Variants in TARBP1 observed in about 807,000 individuals in gnomAD.
TARBP1 encodes the protein tRNA guanosine 2 -O-methyltransferase TARBP1.
TARBP1 carries 144 observed loss-of-function variants against 178.6 expected under a neutral mutation model. The observed-to-expected ratio is 0.81, with a 90% CI of 0.70 to 0.93. The LOEUF is 0.93. Among genes scored for constraint, TARBP1 ranks in the 40% least tolerant of loss-of-function variants. The pLI, the probability that TARBP1 is intolerant of heterozygous loss-of-function variation, is 0.00. For synonymous variants in TARBP1, 787 were observed against 781.0 expected (o/e 1.01, Z -0.13); for missense variants, 2,067 against 2,011.7 (o/e 1.03, Z -0.53).
At chr1:234,446,733 T>C in intron 12 of TARBP1, 70 bp downstream of exon 12, 1 of 1,269,586 alleles carries the variant, frequency 7.9e-7, no homozygotes, top group Non-Finnish European at 1.0e-6. Context: ...AAGACGGAAG[T>C]TTCCTCTCTA....
chr1:234,453,058 G>C (rs115697935), intron 9 of TARBP1, among the ~76,000 whole-genome samples: 9 of 152,312 alleles, frequency 5.9e-5, no homozygotes, highest in African/African-American at 1.7e-4. Context: ...TGGGGGAAAG[G>C]AGGGATGAAC....
At chr1:234,410,012 A>C (rs1661637372) in intron 23 of TARBP1, among the ~76,000 whole-genome samples, 1 of 152,252 alleles carries the variant, frequency 6.6e-6, no homozygotes, top group African/African-American at 2.4e-5. Flanking sequence ...GATGACAGTC[A>C]TTTTATATCA....
At chr1:234,465,557 A>T (rs1299100183) in intron 5 of TARBP1, 99 bp downstream of exon 5, 2 of 1,080,794 alleles carry the variant, frequency 1.9e-6, no homozygotes, top group Non-Finnish European at 2.6e-6. Context: ...CTGTCTATTC[A>T]GCAACATACT....
rs143093176 is a variant in TARBP1, at chr1:234,407,459, C to T, written c.3793-1360G>A. The T allele has an allele frequency of 8.2e-3, 1,251 of 151,972 alleles. 4 individuals are homozygous for T. The highest frequency in any genetic ancestry group is 0.02 in the Middle Eastern group (6 of 296). 9.4% of individuals were successfully genotyped at this position (151,972 alleles called of 1,614,324 possible). ...TTCAAGTGATTCTCCTGCCTCACCT[C>T]CTGAGTAGCTGGGATTATAGGCATG... On this transcript the variant is annotated intron_variant, in intron 23 of 29. Coordinates refer to ENST00000040877, the MANE Select transcript of TARBP1 (RefSeq NM_005646.4).
intron 12 of TARBP1, among the ~76,000 whole-genome samples, chr1:234,446,521 T>A (rs1022086399): frequency 6.6e-6 from 1 of 151,944 alleles, no homozygotes; most frequent in African/African-American, 2.4e-5. Flanking sequence ...AATTACATTA[T>A]AGTAACCAAC....
rs1390234686 is a variant in TARBP1, at chr1:234,478,899, G to C, written c.205C>G (p.Leu69Val). Reference protein sequence around the residue: ...EAAREVAAGYLVPLLRSLRGR... With the variant: ...EAAREVAAGYVVPLLRSLRGR... ...CGCAGGCTCCGCAGCAGTGGCACGA[G>C]GTACCCTGCAGCCACCTCGCGCGCC... is the stretch of plus-strand genomic sequence containing the variant. Residue 69 changes from leucine to valine, a missense_variant, in exon 1 of 30, where the codon CTC (leucine) becomes GTC (valine). Coordinates refer to ENST00000040877, the MANE Select transcript of TARBP1 (RefSeq NM_005646.4). 7.1e-7 allele frequency: 1 copy of C among 1,400,000 alleles called. No homozygotes were observed. Among genetic ancestry groups the C allele is most frequent in the South Asian group, 1.5e-5 (1 of 66,022 alleles). The allele number at this position is 1,400,000 out of a possible 1,614,324, so 86.7% of individuals were successfully genotyped here. A position where few individuals can be genotyped will look rare whatever the true frequency, so the allele number is the denominator to read the frequency against.
At chr1:234,429,728 C>A in intron 15 of TARBP1, 51 bp from the exon 16 acceptor site, 1 of 1,520,952 alleles carries the variant, frequency 6.6e-7, no homozygotes, top group East Asian at 2.3e-5. Flanking sequence ...TTTGCCTCCA[C>A]GTCTTTTGCA....
At chr1:234,453,218 T>C (rs890064889) in intron 9 of TARBP1, among the ~76,000 whole-genome samples, 20 of 152,134 alleles carry the variant, frequency 1.3e-4, no homozygotes, top group African/African-American at 4.6e-4. Flanking sequence ...GGTCATCAAT[T>C]GTAACAAATG....
chr1:234,455,411 G>A (rs1000590233), intron 9 of TARBP1, among the ~76,000 whole-genome samples: 1 of 152,152 alleles, frequency 6.6e-6, no homozygotes, highest in Non-Finnish European at 1.5e-5. Context: ...CAACAGTTCG[G>A]CAATGGGGGA....
chr1:234,407,169 A>G (rs1661332604), intron 23 of TARBP1: 1 of 152,204 alleles, frequency 6.6e-6, no homozygotes, highest in Admixed American at 6.5e-5. Flanking sequence ...TTCCTGTCTT[A>G]TAACTCCCAT....
intron 9 of TARBP1, among the ~76,000 whole-genome samples, chr1:234,454,855 A>T (rs933356292): frequency 1.3e-5 from 2 of 152,206 alleles, no homozygotes; most frequent in Non-Finnish European, 2.9e-5. Context: ...AGCTTTGCAG[A>T]TTTAAGTATT....
chr1:234,437,409 G>T, intron 12 of TARBP1, 37 bp from the exon 13 acceptor site: 1 of 1,109,816 alleles, frequency 9.0e-7, no homozygotes, highest in Non-Finnish European at 1.3e-6. Context: ...TAAAATGACA[G>T]CAGTTCTTTG....
chr1:234,429,398 T>C lies in TARBP1; in HGVS notation c.2871+18A>G. ...ACTCCTATAGTTACTGTTCAATTCA[T>C]GTTTCACTCTATCTTACCTTGGGAA... is the stretch of plus-strand genomic sequence containing the variant. On this transcript the variant is annotated intron_variant, in intron 16 of 29. Coordinates refer to ENST00000040877, the MANE Select transcript of TARBP1 (RefSeq NM_005646.4). 6.3e-7 allele frequency: 1 copy of C among 1,594,072 alleles called. No homozygotes were observed. The highest frequency in any genetic ancestry group is 2.2e-5 in the East Asian group (1 of 44,766).
intron 14 of TARBP1, among the ~76,000 whole-genome samples, chr1:234,431,875 C>T (rs1664461906): frequency 2.0e-5 from 3 of 152,180 alleles, no homozygotes; most frequent in Non-Finnish European, 4.4e-5. Flanking sequence ...TGGTGGCTCA[C>T]GCCTGTAATC....
chr1:234,476,912 G>A (rs772842487), intron 1 of TARBP1, among the ~76,000 whole-genome samples: 3 of 152,224 alleles, frequency 2.0e-5, no homozygotes, highest in East Asian at 1.9e-4. Flanking sequence ...CTGGCCGAGC[G>A]CGGTGGCTCA....
intron 12 of TARBP1, among the ~76,000 whole-genome samples, chr1:234,446,435 C>T (rs2221874): frequency 0.3 from 45,680 of 151,934 alleles, 7,083 homozygotes; most frequent in Admixed American, 0.41. Flanking sequence ...CCTGCTTAAA[C>T]ATATACAAGA....
intron 22 of TARBP1, among the ~76,000 whole-genome samples, chr1:234,416,335 A>G (rs192911274): frequency 1.9e-4 from 29 of 152,316 alleles, no homozygotes; most frequent in African/African-American, 6.5e-4. Flanking sequence ...TCTCACTTTG[A>G]TGCCATCTGG....
At chr1:234,422,290 T>A (rs1439467995) in intron 20 of TARBP1, among the ~76,000 whole-genome samples, 1 of 152,190 alleles carries the variant, frequency 6.6e-6, no homozygotes, top group African/African-American at 2.4e-5. Context: ...ATATCTTTTC[T>A]CTACTAGTCT....
intron 20 of TARBP1, 49 bp downstream of exon 20, chr1:234,425,624 G>T (rs768356238): frequency 1.3e-6 from 2 of 1,559,262 alleles, no homozygotes; most frequent in Non-Finnish European, 1.8e-6. Flanking sequence ...AGCAAATGTT[G>T]ACCTCTGACT....
Sources: gnomAD v4.1 joint callset for allele counts (sites outside exome capture counted in the v4.1 genomes callset) on GRCh38, gnomAD v4.1.1 for gene constraint, MANE v1.5 for transcripts, NCBI Gene and HGNC (gene_info 2026-07-23, HGNC 2026-07-21) for gene names.